Variants in SPOCK1 observed in about 807,000 individuals in gnomAD.
The protein encoded by SPOCK1 is testican-1.
SPOCK1 carries 23 observed loss-of-function variants against 55.3 expected under a neutral mutation model. That is an observed-to-expected ratio of 0.42 (90% CI 0.30 to 0.59). The LOEUF (loss-of-function observed/expected upper bound fraction) is 0.59. SPOCK1 is among the 20% of genes least tolerant of loss of function. The pLI, the probability that SPOCK1 is intolerant of heterozygous loss-of-function variation, is 0.22. For missense variants in SPOCK1, 499 were observed against 552.5 expected (o/e 0.90, Z 0.97); for synonymous variants, 226 against 221.0 (o/e 1.02, Z -0.20).
At chr5:137,012,284 C>T (rs1751365150) in intron 6 of SPOCK1, among the ~76,000 whole-genome samples, 1 of 152,116 alleles carries the variant, frequency 6.6e-6, no homozygotes, top group African/African-American at 2.4e-5. Context: ...CATGTCTGTC[C>T]TGTTGTATCC....
intron 3 of SPOCK1, among the ~76,000 whole-genome samples, chr5:137,208,922 G>C (rs1237477132): frequency 6.6e-6 from 1 of 151,588 alleles, no homozygotes; most frequent in Non-Finnish European, 1.5e-5. Flanking sequence ...TGGAGTAAAG[G>C]AAGGAACACA....
intron 3 of SPOCK1, among the ~76,000 whole-genome samples, chr5:137,174,648 G>C (rs576809704): frequency 3.9e-5 from 6 of 152,310 alleles, no homozygotes; most frequent in Admixed American, 3.3e-4. Context: ...AGAATGTGCA[G>C]GACAGTCCCC....
chr5:137,165,858 C>A lies in SPOCK1; in HGVS notation c.233-25164G>T, dbSNP rs192270227. 6.6e-4 allele frequency among the ~76,000 whole-genome samples: 100 copies of A among 151,920 alleles called. 1 individual carries two copies. Among genetic ancestry groups the A allele is most frequent in the African/African-American group, 2.0e-3 (83 of 41,432 alleles). On this transcript the variant is annotated intron_variant, in intron 3 of 10. Coordinates refer to ENST00000394945, the MANE Select transcript of SPOCK1 (RefSeq NM_004598.4). ...TGAAGGCAGGCCATTTGAAAACACA[C>A]AGTGAAAACACATAAGAAAAAAAAT...
At chr5:137,286,997 T>A (rs950495106) in intron 2 of SPOCK1, among the ~76,000 whole-genome samples, 4 of 152,180 alleles carry the variant, frequency 2.6e-5, no homozygotes, top group African/African-American at 9.7e-5. Context: ...ATTTCCCTAA[T>A]ATCTTGATGT....
chr5:137,464,183 C>G (rs1440054535), intron 2 of SPOCK1, among the ~76,000 whole-genome samples: 1 of 151,950 alleles, frequency 6.6e-6, no homozygotes, highest in African/African-American at 2.4e-5. Context: ...GGCCCGTAGT[C>G]CCAGCTACTT....
chr5:137,086,862 T>C (rs1409839964), intron 5 of SPOCK1, among the ~76,000 whole-genome samples: 2 of 148,304 alleles, frequency 1.3e-5, no homozygotes, highest in African/African-American at 4.8e-5. Context: ...TTCTACTAAG[T>C]TTTTTACTGT....
chr5:137,253,353 G>A (rs905136150), intron 3 of SPOCK1, among the ~76,000 whole-genome samples: 1 of 152,138 alleles, frequency 6.6e-6, no homozygotes, highest in Non-Finnish European at 1.5e-5. Flanking sequence ...GGCTTTGATT[G>A]TAAAAGATTG....
intron 4 of SPOCK1, among the ~76,000 whole-genome samples, chr5:137,129,563 G>A (rs1169267237): frequency 1.3e-5 from 2 of 152,102 alleles, no homozygotes; most frequent in Non-Finnish European, 2.9e-5. Flanking sequence ...TAAAATCATA[G>A]GGCTGTGAAA....
chr5:137,193,791 G>A (rs1420501080), intron 3 of SPOCK1, among the ~76,000 whole-genome samples: 5 of 152,288 alleles, frequency 3.3e-5, no homozygotes, highest in Admixed American at 1.3e-4. Context: ...CTTTGGGGGT[G>A]CAAATGGCTA....
chr5:137,106,601 G>C (rs1409391227), intron 5 of SPOCK1, among the ~76,000 whole-genome samples: 1 of 151,962 alleles, frequency 6.6e-6, no homozygotes, highest in Non-Finnish European at 1.5e-5. Context: ...CTTTTTAGAT[G>C]GTTTTCTATC....
At chr5:137,287,783 A>C (rs1466724579) in intron 2 of SPOCK1, among the ~76,000 whole-genome samples, 2 of 152,218 alleles carry the variant, frequency 1.3e-5, no homozygotes. Context: ...TCATTCCCAG[A>C]GCCCTTCACT....
intron 5 of SPOCK1, among the ~76,000 whole-genome samples, chr5:137,068,821 G>A (rs1295113041): frequency 6.6e-6 from 1 of 152,176 alleles, no homozygotes; most frequent in Admixed American, 6.5e-5. Flanking sequence ...TATTGGCCTG[G>A]ATCTGTGTTG....
At chr5:137,309,638 T>C (rs1401309580) in intron 2 of SPOCK1, among the ~76,000 whole-genome samples, 1 of 152,148 alleles carries the variant, frequency 6.6e-6, no homozygotes, top group Non-Finnish European at 1.5e-5. Context: ...ACTGTAATTA[T>C]CTGTTAATAA....
chr5:137,334,115 C>T (rs745463340), intron 2 of SPOCK1, among the ~76,000 whole-genome samples: 3 of 152,200 alleles, frequency 2.0e-5, no homozygotes, highest in African/African-American at 7.2e-5. Flanking sequence ...GGCTCTTGTG[C>T]TGTGAGCTGT....
At chr5:136,985,777 C>G (rs1750828695) in intron 8 of SPOCK1, among the ~76,000 whole-genome samples, 1 of 152,156 alleles carries the variant, frequency 6.6e-6, no homozygotes, top group Admixed American at 6.5e-5. Flanking sequence ...TTCACCTGTC[C>G]CAGCCTCTGG....
chr5:137,364,242 T>C (rs756472178), intron 2 of SPOCK1, among the ~76,000 whole-genome samples: 6 of 152,152 alleles, frequency 3.9e-5, no homozygotes, highest in Non-Finnish European at 8.8e-5. Context: ...CCCTAATACC[T>C]AAGCACCATC....
chr5:136,988,349 G>T, intron 8 of SPOCK1, 73 bp downstream of exon 8: 1 of 1,221,222 alleles, frequency 8.2e-7, no homozygotes, highest in Non-Finnish European at 1.2e-6. Context: ...CCAATTCATA[G>T]TCATACGCAG....
chr5:137,295,722 G>GA (rs5871632), intron 2 of SPOCK1, among the ~76,000 whole-genome samples: 95 of 149,794 alleles, frequency 6.3e-4, no homozygotes, highest in Admixed American at 1.7e-3. Context: ...CATTTTTACT[G>GA]AAAAAAAAAA....
intron 3 of SPOCK1, among the ~76,000 whole-genome samples, chr5:137,197,583 T>C (rs986312228): frequency 6.6e-6 from 1 of 152,218 alleles, no homozygotes; most frequent in African/African-American, 2.4e-5. Flanking sequence ...GAGAAAAATC[T>C]TCATACTAAG....
Sources: gnomAD v4.1 joint callset for allele counts (sites outside exome capture counted in the v4.1 genomes callset) on GRCh38, gnomAD v4.1.1 for gene constraint, MANE v1.5 for transcripts, NCBI Gene and HGNC (gene_info 2026-07-23, HGNC 2026-07-21) for gene names.